Variants in ERBB4 observed in about 807,000 individuals in gnomAD.
The protein encoded by ERBB4 is receptor tyrosine-protein kinase erbB-4.
ERBB4 carries 42 observed loss-of-function variants against 158.0 expected under a neutral mutation model. The ratio of observed to expected loss-of-function variants is 0.27; its 90% CI spans 0.21 to 0.34. ERBB4 has a LOEUF of 0.34. Among genes scored for constraint, ERBB4 ranks in the 10% least tolerant of loss-of-function variants. The pLI is 1.00. For missense variants in ERBB4, 1,333 were observed against 1,624.1 expected (o/e 0.82, Z 3.08); for synonymous variants, 583 against 558.7 (o/e 1.04, Z -0.61).
In ERBB4 at chr2:211,705,310, A is replaced by G; in HGVS notation, c.1198+8T>C. On this transcript the variant is annotated splice_region_variant and intron_variant, in intron 10 of 27. Transcript: ENST00000342788. Reference sequence around the variant, plus strand: ...TCATAGCGCAACAGTTGCAGTTTAAAAAATTACCTGTTATCTCTCTGACTG... The same window carrying G: ...TCATAGCGCAACAGTTGCAGTTTAAGAAATTACCTGTTATCTCTCTGACTG... The G allele has an allele frequency of 6.3e-7, 1 of 1,594,924 alleles. No homozygotes were observed. Among genetic ancestry groups the G allele is most frequent in the Non-Finnish European group, 8.6e-7 (1 of 1,162,802 alleles).
At chr2:211,658,073 G>C (rs1452846200) in intron 15 of ERBB4, 1 of 1,015,070 alleles carries the variant, frequency 9.9e-7, no homozygotes, top group African/African-American at 1.6e-5. Context: ...AATATTGATT[G>C]TCTCGAATTC....
intron 19 of ERBB4, among the ~76,000 whole-genome samples, chr2:211,579,923 G>C (rs1278162257): frequency 2.0e-5 from 3 of 151,974 alleles, no homozygotes; most frequent in Non-Finnish European, 4.4e-5. Context: ...CGTAACCTAC[G>C]TAACAAACCT....
At chr2:211,515,310 A>T (rs1412979782) in intron 20 of ERBB4, among the ~76,000 whole-genome samples, 1 of 152,104 alleles carries the variant, frequency 6.6e-6, no homozygotes, top group African/African-American at 2.4e-5. Flanking sequence ...CACAGAAGTA[A>T]TAGAAAACCC....
chr2:211,949,795 G>C (rs2080824431), intron 2 of ERBB4, among the ~76,000 whole-genome samples: 1 of 152,008 alleles, frequency 6.6e-6, no homozygotes, highest in Non-Finnish European at 1.5e-5. Context: ...GGCCAACCCT[G>C]ATAAACCTGT....
rs767277487 is a variant in ERBB4, at chr2:211,947,510, C to G, written c.341G>C (p.Arg114Pro). ...IIRGTKLYED[R>P]YALAIFLNYR... Reference sequence around the variant, plus strand: ...GTTTAAAAATATTGCCAAGGCATATCGATCCTCATAAAGTTTTGTCCCACG... The same window carrying G: ...GTTTAAAAATATTGCCAAGGCATATGGATCCTCATAAAGTTTTGTCCCACG... Residue 114 changes from arginine (R) to proline (P), a missense_variant, in exon 3 of 28, where the codon CGA becomes CCA. Physicochemically the swap from Arg to Pro is moderately radical, Grantham distance 103. Transcript: ENST00000342788. 2 of 1,613,776 alleles carry G rather than the reference C, an allele frequency of 1.2e-6. No individual in the cohort carries two copies. The highest frequency in any genetic ancestry group is 1.7e-6 in the Non-Finnish European group (2 of 1,179,842).
chr2:211,640,116 ATACTT>A (rs2125891926), intron 16 of ERBB4, among the ~76,000 whole-genome samples: 1 of 152,180 alleles, frequency 6.6e-6, no homozygotes, highest in African/African-American at 2.4e-5. Flanking sequence ...TTTTTTAACT[ATACTT>A]TAGATTCCCC....
At chr2:211,748,397 G>A (rs567661988) in intron 5 of ERBB4, among the ~76,000 whole-genome samples, 7 of 152,238 alleles carry the variant, frequency 4.6e-5, no homozygotes, top group African/African-American at 7.2e-5. Flanking sequence ...TGAAAGTAAC[G>A]CAAGAGGCAA....
chr2:211,410,284 C>G (rs930220931), intron 25 of ERBB4, among the ~76,000 whole-genome samples: 1 of 152,060 alleles, frequency 6.6e-6, no homozygotes, highest in African/African-American at 2.4e-5. Flanking sequence ...AATTGGAGGT[C>G]AGTTATAAAT....
intron 12 of ERBB4, among the ~76,000 whole-genome samples, chr2:211,687,762 C>CA (rs969011500): frequency 4.0e-4 from 61 of 152,228 alleles, no homozygotes; most frequent in African/African-American, 1.4e-3. Flanking sequence ...AAAGAAAACT[C>CA]AGAGAACTCA....
chr2:211,965,111 A>G (rs546255000), intron 2 of ERBB4, among the ~76,000 whole-genome samples: 41 of 152,356 alleles, frequency 2.7e-4, no homozygotes, highest in African/African-American at 8.7e-4. Flanking sequence ...TGCCTCTGCA[A>G]TACCATGAAA....
At chr2:212,044,224 C>A (rs562767768) in intron 2 of ERBB4, among the ~76,000 whole-genome samples, 1 of 151,890 alleles carries the variant, frequency 6.6e-6, no homozygotes. Flanking sequence ...GGATTATAGT[C>A]GTTTAAAATA....
chr2:212,232,875 T>C (rs978641433), intron 1 of ERBB4, among the ~76,000 whole-genome samples: 3 of 151,908 alleles, frequency 2.0e-5, no homozygotes, highest in African/African-American at 7.2e-5. Context: ...TGAAGTATCA[T>C]TTGTCCCTTG....
chr2:212,189,280 C>T (rs13423587), intron 1 of ERBB4, among the ~76,000 whole-genome samples: 1 of 152,106 alleles, frequency 6.6e-6, no homozygotes, highest in Non-Finnish European at 1.5e-5. Flanking sequence ...TTATTAGTGA[C>T]TTATTCACTG....
At chr2:211,822,528 C>T (rs910868242) in intron 3 of ERBB4, among the ~76,000 whole-genome samples, 1 of 151,964 alleles carries the variant, frequency 6.6e-6, no homozygotes, top group Non-Finnish European at 1.5e-5. Flanking sequence ...TATCTGTACA[C>T]TTTGGCCAAA....
chr2:211,554,858 G>T (rs2067194920), intron 20 of ERBB4, among the ~76,000 whole-genome samples: 1 of 152,084 alleles, frequency 6.6e-6, no homozygotes, highest in African/African-American at 2.4e-5. Flanking sequence ...GTTTGCTTTG[G>T]GCAACAGCCT....
chr2:212,295,160 T>A (rs2086364589), intron 1 of ERBB4, among the ~76,000 whole-genome samples: 1 of 152,130 alleles, frequency 6.6e-6, no homozygotes, highest in South Asian at 2.1e-4. Flanking sequence ...AAAAGTCTGA[T>A]ATATTGATGT....
chr2:211,751,706 T>C (rs959228115), intron 4 of ERBB4, among the ~76,000 whole-genome samples: 1 of 152,198 alleles, frequency 6.6e-6, no homozygotes, highest in Non-Finnish European at 1.5e-5. Context: ...CCATCTTTCC[T>C]TGATTCAAGT....
intron 1 of ERBB4, among the ~76,000 whole-genome samples, chr2:212,214,394 GCA>G (rs531199458): frequency 2.0e-5 from 3 of 151,810 alleles, no homozygotes; most frequent in African/African-American, 7.2e-5. Context: ...GTATTGGATA[GCA>G]CAGTTTTAGA....
At chr2:211,947,318 T>C in intron 3 of ERBB4, 112 bp downstream of exon 3, 1 of 851,206 alleles carries the variant, frequency 1.2e-6, no homozygotes, top group Non-Finnish European at 1.9e-6. Flanking sequence ...TCACTGATAT[T>C]TAAATGCCTT....
Sources: gnomAD v4.1 joint callset for allele counts (sites outside exome capture counted in the v4.1 genomes callset) on GRCh38, gnomAD v4.1.1 for gene constraint, MANE v1.5 for transcripts, NCBI Gene and HGNC (gene_info 2026-07-23, HGNC 2026-07-21) for gene names.